The following ENDOD1 variants were observed in gnomAD, a reference collection of about 807,000 sequenced individuals.
ENDOD1 encodes endonuclease domain containing 1.
A neutral mutation model predicts 6.5 loss-of-function variants in ENDOD1; 9 were observed. The ratio of observed to expected loss-of-function variants is 1.39; its 90% CI spans 0.84 to 2.43. The LOEUF is 2.43. Among genes scored for constraint, ENDOD1 ranks in the 30% most tolerant of loss-of-function variants. The pLI, the probability that ENDOD1 is intolerant of heterozygous loss-of-function variation, is 0.00. For synonymous variants in ENDOD1, 255 were observed against 255.2 expected (o/e 1.00, Z 0.01); for missense variants, 648 against 635.5 (o/e 1.02, Z -0.21).
chr11:95,090,226 A>T lies in ENDOD1; in HGVS notation c.299A>T (p.Gln100Leu). ...GAEQRWLVEP[Q>L]IDDPNSNLEE... ...GAGCAGCGATGGCTGGTGGAGCCGC[A>T]GGTAAGCGAAGTGGTTCCCGAGCCG... Residue 100 changes from glutamine (Q) to leucine (L), a missense_variant and splice_region_variant, in exon 1 of 2, where the codon CAG becomes CTG. Coordinates refer to ENST00000278505, the MANE Select transcript of ENDOD1 (RefSeq NM_015036.3). 2.9e-6 allele frequency: 4 copies of T among 1,372,864 alleles called. No homozygotes were observed. Among genetic ancestry groups the T allele is most frequent in the Non-Finnish European group, 3.8e-6 (4 of 1,053,108 alleles). 85.0% of individuals were successfully genotyped at this position (1,372,864 alleles called of 1,614,324 possible).
At chr11:95,110,860 T>C (rs934304211) in intron 1 of ENDOD1, among the ~76,000 whole-genome samples, 1 of 152,162 alleles carries the variant, frequency 6.6e-6, no homozygotes, top group Admixed American at 6.5e-5. Flanking sequence ...TGGGATCCTC[T>C]GTCACATCAA....
chr11:95,110,574 CGTGT>C (rs1859138402), intron 1 of ENDOD1, among the ~76,000 whole-genome samples: 1 of 138,702 alleles, frequency 7.2e-6, no homozygotes, highest in Non-Finnish European at 1.6e-5. Flanking sequence ...CTTTCAAGTC[CGTGT>C]ATGTATGTGT....
intron 1 of ENDOD1, among the ~76,000 whole-genome samples, 200 bp from the exon 2 acceptor site, chr11:95,128,177 T>C (rs928978294): frequency 6.6e-6 from 1 of 152,200 alleles, no homozygotes; most frequent in African/African-American, 2.4e-5. Context: ...AAACAGCCTA[T>C]CTGAAAGATG....
At chr11:95,109,579 G>A (rs925911347) in intron 1 of ENDOD1, among the ~76,000 whole-genome samples, 3 of 152,236 alleles carry the variant, frequency 2.0e-5, no homozygotes, top group East Asian at 1.9e-4. Flanking sequence ...TAAACATACC[G>A]TCTCAGTGCA....
rs757643466 is a variant in ENDOD1 at position 95,128,800 on chromosome 11, G to A, written c.724G>A (p.Asp242Asn). ...CATGGGCTTTGTCAAGCACACCCGG[G>A]ACAGTGACATCATAGAAGATGTGAT... The part of the protein sequence containing the change: ...WAMGFVKHTR[D>N]SDIIEDVMVK... Residue 242 changes from aspartate (D) to asparagine (N), a missense_variant, in exon 2 of 2, where the codon GAC (aspartate) becomes AAC (asparagine). Physicochemically the swap from Asp to Asn is conservative, Grantham distance 23. Coordinates refer to ENST00000278505, the MANE Select transcript of ENDOD1 (RefSeq NM_015036.3). 6.2e-7 allele frequency: 1 copy of A among 1,614,188 alleles called. No individual in the cohort carries two copies. The highest frequency in any genetic ancestry group is 1.1e-5 in the South Asian group (1 of 91,082).
intron 1 of ENDOD1, among the ~76,000 whole-genome samples, chr11:95,094,833 C>T (rs1021772768): frequency 2.0e-5 from 3 of 152,150 alleles, no homozygotes; most frequent in Admixed American, 2.0e-4. Flanking sequence ...AATTCAGATC[C>T]CTGCTCTTCC....
intron 1 of ENDOD1, among the ~76,000 whole-genome samples, chr11:95,115,747 A>G (rs1481292148): frequency 6.6e-6 from 1 of 152,122 alleles, no homozygotes; most frequent in Admixed American, 6.5e-5. Flanking sequence ...TTGAGATGAT[A>G]ATAAGGTATT....
chr11:95,104,583 G>A (rs1421408097), intron 1 of ENDOD1, among the ~76,000 whole-genome samples: 1 of 152,088 alleles, frequency 6.6e-6, no homozygotes, highest in African/African-American at 2.4e-5. Flanking sequence ...GCCTTACTGG[G>A]TTCTCATAAG....
chr11:95,091,649 C>A (rs782209413), intron 1 of ENDOD1, among the ~76,000 whole-genome samples: 2 of 152,142 alleles, frequency 1.3e-5, no homozygotes, highest in Non-Finnish European at 2.9e-5. Flanking sequence ...ACAGAACATA[C>A]GTCTGAGGAA....
chr11:95,090,120 T>G lies in ENDOD1; in HGVS notation c.193T>G (p.Phe65Val). The part of the protein sequence containing the change: ...ICQRAEGAER[F>V]ATLYSTRDRI... ...TCAGCGCGCGGAGGGTGCTGAGCGC[T>G]TCGCCACCCTCTACAGCACCCGGGA... The change falls in exon 1 of 2, where the codon TTC becomes GTC. Residue 65 changes from phenylalanine to valine, a missense_variant. Phe to Val is a conservative substitution (Grantham distance 50). Coordinates refer to ENST00000278505, the MANE Select transcript of ENDOD1 (RefSeq NM_015036.3). 2 of 1,566,038 alleles carry G rather than the reference T, an allele frequency of 1.3e-6. No individual in the cohort carries two copies. The highest frequency in any genetic ancestry group is 1.7e-6 in the Non-Finnish European group (2 of 1,158,194).
At chr11:95,093,331 C>T (rs148546868) in intron 1 of ENDOD1, among the ~76,000 whole-genome samples, 3 of 152,276 alleles carry the variant, frequency 2.0e-5, no homozygotes, top group Non-Finnish European at 2.9e-5. Context: ...TGTTTCTTAG[C>T]TCATGCTGAT....
At chr11:95,125,180 G>A (rs922835585) in intron 1 of ENDOD1, among the ~76,000 whole-genome samples, 4 of 152,058 alleles carry the variant, frequency 2.6e-5, no homozygotes, top group Non-Finnish European at 4.4e-5. Flanking sequence ...CTGCCACAGG[G>A]TTATCAATTC....
At position 95,128,928 on chromosome 11, in the gene ENDOD1, A is replaced by C. The variant is rs1406216607; in HGVS notation, c.852A>C (p.Glu284Asp). The change falls in exon 2 of 2, where the codon GAA (glutamate) becomes GAC (aspartate). Residue 284 changes from glutamate (E) to aspartate (D), a missense_variant. Coordinates refer to ENST00000278505, the MANE Select transcript of ENDOD1 (RefSeq NM_015036.3). ...CAGAGAAAATGAAAAAAATCCTGGA[A>C]GTGGTTAACCAAATCCAGGATGAAG... Reference protein sequence around the residue: ...QDTEKMKKILEVVNQIQDEER... With the variant: ...QDTEKMKKILDVVNQIQDEER... The C allele has an allele frequency of 6.2e-7, 1 of 1,614,052 alleles. No homozygotes were observed. Among genetic ancestry groups the C allele is most frequent in the East Asian group, 2.2e-5 (1 of 44,864 alleles).
At chr11:95,104,176 G>T (rs898576245) in intron 1 of ENDOD1, among the ~76,000 whole-genome samples, 4 of 152,236 alleles carry the variant, frequency 2.6e-5, no homozygotes, top group African/African-American at 9.6e-5. Context: ...CCAGGTGGGT[G>T]CAGTGCCTCA....
Position 95,130,025 on chromosome 11 carries a change from CA to C in ENDOD1, c.*447del, listed in dbSNP as rs1322847150. On this transcript the variant is annotated 3_prime_UTR_variant, in exon 2 of 2. Coordinates refer to ENST00000278505, the MANE Select transcript of ENDOD1 (RefSeq NM_015036.3). ...CAAAACAGATTAAAAAAAAAATCTG[CA>C]GCCAATTTCTTGGCATTTGCTTCTC... 1 of 153,778 alleles carries C rather than the reference CA, an allele frequency of 6.5e-6. No homozygotes were observed. Among genetic ancestry groups the C allele is most frequent in the East Asian group, 1.9e-4 (1 of 5,212 alleles). The allele number at this position is 153,778 out of a possible 1,614,324, so 9.5% of individuals were successfully genotyped here. A position where few individuals can be genotyped will look rare whatever the true frequency, so the allele number is the denominator to read the frequency against.
chr11:95,117,338 G>T (rs1859220812), intron 1 of ENDOD1, among the ~76,000 whole-genome samples: 1 of 152,228 alleles, frequency 6.6e-6, no homozygotes. Flanking sequence ...GAACCTGGGA[G>T]GCAGAGGTTG....
chr11:95,104,590 T>C (rs555765377), intron 1 of ENDOD1, among the ~76,000 whole-genome samples: 1 of 152,292 alleles, frequency 6.6e-6, no homozygotes, highest in South Asian at 2.1e-4. Context: ...TGGGTTCTCA[T>C]AAGGATGGTA....
chr11:95,091,550 C>A (rs1555109877), intron 1 of ENDOD1, among the ~76,000 whole-genome samples: 1 of 152,200 alleles, frequency 6.6e-6, no homozygotes, highest in Non-Finnish European at 1.5e-5. Flanking sequence ...GGGTGTTCCC[C>A]ACCTCTCATC....
In ENDOD1 at chr11:95,128,641, C is replaced by T. The variant is rs1859336599; in HGVS notation, c.565C>T (p.Gln189Ter). ...HSLMDRALTP[Q>*]CGSGEDLYIL... ...CCTAATGGACCGGGCTTTGACCCCA[C>T]AGTGTGGCAGTGGGGAAGACCTATA... The change falls in exon 2 of 2, where the codon CAG becomes TAG. Residue 189 changes from glutamine to a stop codon, truncating the protein, a stop_gained. Coordinates refer to ENST00000278505, the MANE Select transcript of ENDOD1 (RefSeq NM_015036.3). LOFTEE classifies it low-confidence loss of function (END_TRUNC). The T allele has an allele frequency of 6.2e-7, 1 of 1,614,062 alleles. No individual in the cohort carries two copies.
Sources: allele counts gnomAD v4.1 joint callset (sites outside exome capture counted in the v4.1 genomes callset), GRCh38; gene constraint gnomAD v4.1.1; transcripts MANE v1.5; gene names NCBI Gene and HGNC (gene_info 2026-07-23, HGNC 2026-07-21).